Variants in CTNNA2 observed in about 807,000 individuals in gnomAD.
CTNNA2 encodes catenin alpha-2.
Under a neutral mutation model 101.0 loss-of-function variants are expected in CTNNA2, and 42 were observed. The observed-to-expected ratio is 0.42, with a 90% CI of 0.32 to 0.54. The LOEUF (loss-of-function observed/expected upper bound fraction) is 0.54, where lower values mean the gene tolerates loss of function less well. CTNNA2 is among the 20% of genes least tolerant of loss of function. The probability of loss-of-function intolerance (pLI) is 0.14; values close to 1 mark genes in which losing one functional copy is unlikely to be tolerated. For synonymous variants in CTNNA2, 450 were observed against 456.4 expected, an observed-to-expected ratio of 0.99 and a Z score of 0.18; for missense variants, 871 against 1,223.1, an observed-to-expected ratio of 0.71 and a Z score of 4.29.
chr2:80,605,543 C>T (rs1292436645), intron 16 of CTNNA2: 1 of 151,810 alleles, frequency 6.6e-6, no homozygotes, highest in East Asian at 1.9e-4. Flanking sequence ...CTTTGTGTTG[C>T]TTATTGTAGT....
intron 7 of CTNNA2, among the ~76,000 whole-genome samples, chr2:80,218,025 A>T (rs1245363688): frequency 6.6e-6 from 1 of 152,246 alleles, no homozygotes; most frequent in Non-Finnish European, 1.5e-5. Flanking sequence ...ACTCTGAAGA[A>T]TGTGTTTCTA....
chr2:79,786,487 A>ATTTTTTTTTTTT (rs10648026), intron 3 of CTNNA2, among the ~76,000 whole-genome samples: 1 of 151,666 alleles, frequency 6.6e-6, no homozygotes. Flanking sequence ...TTAAGTAAAG[A>ATTTTTTTTTTTT]TATTTTTTTT....
rs183051055 is a variant in CTNNA2, at chr2:80,082,999, T to A, written c.1056+173202T>A. 9.2e-5 allele frequency among the ~76,000 whole-genome samples: 14 copies of A among 152,180 alleles called. No homozygotes were observed. The East Asian group carries it at 1.4e-3, about 15-fold the overall frequency. On this transcript the variant is annotated intron_variant, in intron 7 of 18. Coordinates refer to ENST00000402739, the MANE Select transcript of CTNNA2 (RefSeq NM_001282597.3). The stretch of plus-strand genomic sequence containing the variant: ...TCCCTATCTTATAAAAAAGCAGGGG[T>A]ATAGCTTCTTGTTTCAGGAGGTGTT...
chr2:80,251,089 G>A (rs939759711), intron 7 of CTNNA2, among the ~76,000 whole-genome samples: 2 of 152,020 alleles, frequency 1.3e-5, no homozygotes, highest in African/African-American at 2.4e-5. Context: ...AGTGATTAGT[G>A]TACCCTTTTA....
intron 1 of CTNNA2, among the ~76,000 whole-genome samples, chr2:79,640,406 A>G (rs1680373344): frequency 6.6e-6 from 1 of 152,204 alleles, no homozygotes; most frequent in African/African-American, 2.4e-5. Flanking sequence ...AAATATCACT[A>G]GTCTTAAAGT....
At chr2:80,510,890 T>C (rs1688654002) in intron 9 of CTNNA2, among the ~76,000 whole-genome samples, 1 of 152,198 alleles carries the variant, frequency 6.6e-6, no homozygotes, top group Admixed American at 6.5e-5. Context: ...AGAAGATTCT[T>C]GTTTATATGT....
At chr2:80,117,116 A>G (rs758320543) in intron 7 of CTNNA2, among the ~76,000 whole-genome samples, 14 of 152,156 alleles carry the variant, frequency 9.2e-5, no homozygotes, top group Non-Finnish European at 2.1e-4. Flanking sequence ...GATACTCACA[A>G]GCTATTTAAT....
intron 1 of CTNNA2, among the ~76,000 whole-genome samples, chr2:79,555,383 T>G (rs1272319810): frequency 6.6e-6 from 1 of 152,086 alleles, no homozygotes; most frequent in Non-Finnish European, 1.5e-5. Flanking sequence ...TGGCATCACT[T>G]TAAGGAATAA....
rs974763302 is a variant in CTNNA2 at position 79,779,131 on chromosome 2, T to C, written c.298+34549T>C. 7.8e-4 allele frequency among the ~76,000 whole-genome samples: 93 copies of C among 119,732 alleles called. 2 individuals carry two copies. Among genetic ancestry groups the C allele is most frequent in the Admixed American group, 3.6e-3 (46 of 12,872 alleles). 78.5% of individuals were successfully genotyped at this position (119,732 alleles called of 152,430 possible). A position where few individuals can be genotyped will look rare whatever the true frequency, so the allele number is the denominator to read the frequency against. On this transcript the variant is annotated intron_variant, in intron 3 of 18. Transcript: ENST00000402739. Reference sequence around the variant, plus strand: ...AACATTTACAGCTGAAATTCTGTTGTTGTTTTTTTTTTTTCCATTTGTGTG... The same window carrying C: ...AACATTTACAGCTGAAATTCTGTTGCTGTTTTTTTTTTTTCCATTTGTGTG...
intron 2 of CTNNA2, among the ~76,000 whole-genome samples, chr2:79,201,397 G>A (rs1352104079): frequency 6.6e-6 from 1 of 151,940 alleles, no homozygotes; most frequent in East Asian, 1.9e-4. Context: ...GTCTCAGGCT[G>A]AAGACTGCTC....
At chr2:80,192,884 T>C (rs1363848413) in intron 7 of CTNNA2, among the ~76,000 whole-genome samples, 1 of 152,234 alleles carries the variant, frequency 6.6e-6, no homozygotes, top group East Asian at 1.9e-4. Context: ...CAGTCATGCA[T>C]CTACTCAGTC....
chr2:80,565,182 G>A (rs1693946990), intron 12 of CTNNA2, among the ~76,000 whole-genome samples: 1 of 152,060 alleles, frequency 6.6e-6, no homozygotes, highest in South Asian at 2.1e-4. Flanking sequence ...TTTATTTTCT[G>A]GAAGTTACTA....
At chr2:80,558,261 A>T (rs1016162539) in intron 12 of CTNNA2, among the ~76,000 whole-genome samples, 1 of 152,202 alleles carries the variant, frequency 6.6e-6, no homozygotes, top group African/African-American at 2.4e-5. Flanking sequence ...AACAGGAATA[A>T]TGTTACTATT....
At chr2:79,510,332 C>T (rs1671508303), upstream of CTNNA2, among the ~76,000 whole-genome samples, 2 of 152,084 alleles carry the variant, frequency 1.3e-5, no homozygotes, top group Admixed American at 1.3e-4. Context: ...GATTCACAAG[C>T]AGACTCAAAA....
intron 4 of CTNNA2, among the ~76,000 whole-genome samples, chr2:79,392,741 C>A: frequency 6.6e-6 from 1 of 152,100 alleles, no homozygotes; most frequent in Non-Finnish European, 1.5e-5. Flanking sequence ...TCATTTCTCC[C>A]CAACTTTCAT....
chr2:79,615,837 C>T (rs1678581375), intron 1 of CTNNA2, among the ~76,000 whole-genome samples: 3 of 152,096 alleles, frequency 2.0e-5, no homozygotes, highest in African/African-American at 2.4e-5. Flanking sequence ...TTTGTATGTG[C>T]GTGTTGGGGA....
chr2:79,446,981 TG>T (rs147434704), intron 4 of CTNNA2, among the ~76,000 whole-genome samples: 3,213 of 152,150 alleles, frequency 0.021, 53 homozygotes, highest in African/African-American at 0.04. Flanking sequence ...GTCTCTGTAA[TG>T]GCTTTGATAA....
At chr2:79,882,238 A>AT (rs1288997101) in intron 6 of CTNNA2, among the ~76,000 whole-genome samples, 1 of 151,670 alleles carries the variant, frequency 6.6e-6, no homozygotes, top group Admixed American at 6.6e-5. Flanking sequence ...TGCCCTTAAC[A>AT]TTTTTTCCTT....
intron 7 of CTNNA2, among the ~76,000 whole-genome samples, chr2:79,920,086 G>A (rs971898797): frequency 6.6e-6 from 1 of 152,066 alleles, no homozygotes; most frequent in Non-Finnish European, 1.5e-5. Context: ...GTGTGGTGGC[G>A]CATGCCTGTA....
Sources: gnomAD v4.1 joint callset for allele counts (sites outside exome capture counted in the v4.1 genomes callset) on GRCh38, gnomAD v4.1.1 for gene constraint, MANE v1.5 for transcripts, NCBI Gene and HGNC (gene_info 2026-07-23, HGNC 2026-07-21) for gene names.